The following C8B variants were observed in gnomAD, a reference collection of about 807,000 sequenced individuals.
The protein encoded by C8B is complement C8 beta chain, also known as complement component C8 beta chain.
Under a neutral mutation model 64.6 loss-of-function variants are expected in C8B, and 67 were observed. That is an observed-to-expected ratio of 1.04 (90% confidence interval 0.85 to 1.27). C8B has a LOEUF of 1.27. Ranked by LOEUF, C8B falls within the 50% of genes most tolerant of loss-of-function variation. C8B has a pLI of 0.00. For missense variants in C8B, 790 were observed against 725.2 expected (o/e 1.09, Z -1.03); for synonymous variants, 284 against 257.7 (o/e 1.10, Z -0.98).
At chr1:56,933,260 C>G (rs1405299761) in intron 10 of C8B, 75 bp downstream of exon 10, 1 of 1,235,624 alleles carries the variant, frequency 8.1e-7, no homozygotes, top group African/African-American at 1.5e-5. Flanking sequence ...TAAACAGAAG[C>G]AGGCAAATGG....
At chr1:56,949,826 A>T (rs1644995244) in intron 5 of C8B, 74 bp from the exon 6 acceptor site, 3 of 996,826 alleles carry the variant, frequency 3.0e-6, no homozygotes, top group Non-Finnish European at 4.6e-6. Flanking sequence ...GCAGACAGCC[A>T]CTCTACTCCT....
intron 6 of C8B, among the ~76,000 whole-genome samples, chr1:56,948,939 A>T (rs1644981164): frequency 6.6e-6 from 1 of 152,206 alleles, no homozygotes. Flanking sequence ...GGAAAAGTTT[A>T]TTAGAAAATG....
intron 8 of C8B, among the ~76,000 whole-genome samples, chr1:56,941,955 T>C (rs1200345289): frequency 2.6e-5 from 4 of 152,250 alleles, no homozygotes; most frequent in African/African-American, 9.6e-5. Context: ...ACAAATCATT[T>C]ATACAGTATG....
intron 10 of C8B, 68 bp downstream of exon 10, chr1:56,933,267 A>G (rs140766263): frequency 1.5e-6 from 2 of 1,334,064 alleles, no homozygotes; most frequent in Non-Finnish European, 2.2e-6. Flanking sequence ...AAGCAGGCAA[A>G]TGGCTGGCCC....
intron 6 of C8B, among the ~76,000 whole-genome samples, chr1:56,948,015 T>C (rs1644968011): frequency 1.3e-5 from 2 of 152,142 alleles, no homozygotes; most frequent in African/African-American, 4.8e-5. Flanking sequence ...CCTACTACAC[T>C]GCACTGTGAA....
intron 8 of C8B, 27 bp downstream of exon 8, chr1:56,943,669 T>C: frequency 6.2e-7 from 1 of 1,613,604 alleles, no homozygotes; most frequent in Non-Finnish European, 8.5e-7. Flanking sequence ...ATTATAAGTG[T>C]GGAAGTCACA....
intron 1 of C8B, among the ~76,000 whole-genome samples, chr1:56,961,356 C>T (rs1188913563): frequency 2.0e-5 from 3 of 152,196 alleles, no homozygotes; most frequent in Non-Finnish European, 4.4e-5. Flanking sequence ...CCAGCATCAC[C>T]CACGCTATCT....
At chr1:56,956,296 T>C (rs1461950838) in intron 3 of C8B, among the ~76,000 whole-genome samples, 3 of 152,190 alleles carry the variant, frequency 2.0e-5, no homozygotes, top group Non-Finnish European at 4.4e-5. Context: ...ATGATGTCAC[T>C]TGATGCTTAT....
intron 2 of C8B, among the ~76,000 whole-genome samples, chr1:56,957,996 G>C (rs894812056): frequency 2.0e-5 from 3 of 152,132 alleles, no homozygotes; most frequent in Non-Finnish European, 4.4e-5. Context: ...TATGGGTGGA[G>C]GAAATTCCTG....
intron 9 of C8B, among the ~76,000 whole-genome samples, chr1:56,938,105 T>C (rs764682098): frequency 3.9e-5 from 6 of 152,250 alleles, no homozygotes; most frequent in Non-Finnish European, 8.8e-5. Flanking sequence ...ATTGTCTTCT[T>C]ATATTTTTGA....
At chr1:56,931,383 C>G (rs771502322) in intron 11 of C8B, among the ~76,000 whole-genome samples, 1 of 152,078 alleles carries the variant, frequency 6.6e-6, no homozygotes, top group Non-Finnish European at 1.5e-5. Context: ...GCACAAAGAG[C>G]TATAATAGAT....
intron 8 of C8B, among the ~76,000 whole-genome samples, chr1:56,941,944 G>A (rs1047611178): frequency 6.6e-6 from 1 of 152,290 alleles, no homozygotes; most frequent in African/African-American, 2.4e-5. Context: ...TGTGGTTTGG[G>A]ACAAATCATT....
chr1:56,943,934 G>T, intron 7 of C8B, 110 bp from the exon 8 acceptor site: 2 of 1,287,242 alleles, frequency 1.6e-6, no homozygotes, highest in Non-Finnish European at 2.2e-6. Flanking sequence ...AAGGACTCGG[G>T]TTCAAATAAA....
chr1:56,932,873 G>T (rs1011435449), intron 10 of C8B, among the ~76,000 whole-genome samples: 1 of 151,964 alleles, frequency 6.6e-6, no homozygotes, highest in African/African-American at 2.4e-5. Flanking sequence ...TTAGAGTCTT[G>T]CTAGGCTATC....
chr1:56,930,904 C>T (rs568343601), intron 11 of C8B, among the ~76,000 whole-genome samples: 1 of 152,260 alleles, frequency 6.6e-6, no homozygotes, highest in East Asian at 1.9e-4. Flanking sequence ...CAAGACAACT[C>T]TATGAGGTTG....
rs756134295 is a variant in C8B, at chr1:56,931,856, A to G, written c.1575T>C (p.Cys525=). 6.2e-7 allele frequency: 1 copy of G among 1,612,532 alleles called. No individual in the cohort carries two copies. Among genetic ancestry groups the G allele is most frequent in the South Asian group, 1.1e-5 (1 of 91,066 alleles). Residue 525 remains cysteine, a synonymous_variant, in exon 11 of 12, where the codon TGT becomes TGC. Transcript: ENST00000371237. ...AGGCTAGGCCTTGGGATCCAACAGG[A>G]CAGATGCAGTCACAGCGTGATCCTG... is the stretch of plus-strand genomic sequence containing the variant. ...VLKGSRCDCI[C]PVGSQGLACE...
chr1:56,939,050 A>C (rs887678980), intron 9 of C8B, among the ~76,000 whole-genome samples: 4 of 152,224 alleles, frequency 2.6e-5, no homozygotes, highest in African/African-American at 4.8e-5. Flanking sequence ...CCCACATCAC[A>C]TCACATGCTT....
chr1:56,933,184 G>T lies in C8B; in HGVS notation c.1552+151C>A, dbSNP rs1033194869. 4 of 725,124 alleles carry T rather than the reference G, an allele frequency of 5.5e-6. No homozygotes were observed. In the African/African-American group the frequency reaches 6.9e-5, roughly 13 times the overall value. 44.9% of individuals were successfully genotyped at this position (725,124 alleles called of 1,614,324 possible). ...GCTGTCACCCACGGTAACCCTTGGGGCTAGAACCCAGGTATACTGACAGCC... is the reference window on the plus strand; with the variant it reads ...GCTGTCACCCACGGTAACCCTTGGGTCTAGAACCCAGGTATACTGACAGCC... On this transcript the variant is annotated intron_variant, in intron 10 of 11. Coordinates refer to ENST00000371237, the MANE Select transcript of C8B (RefSeq NM_000066.4).
intron 1 of C8B, among the ~76,000 whole-genome samples, chr1:56,962,395 C>T (rs1372499998): frequency 6.6e-6 from 1 of 152,170 alleles, no homozygotes; most frequent in South Asian, 2.1e-4. Flanking sequence ...GATTAAACAG[C>T]ATCTTTAGTT....
Sources: gnomAD v4.1 joint callset for allele counts (sites outside exome capture counted in the v4.1 genomes callset) on GRCh38, gnomAD v4.1.1 for gene constraint, MANE v1.5 for transcripts, NCBI Gene and HGNC (gene_info 2026-07-23, HGNC 2026-07-21) for gene names.